The following GRIP1 variants were observed in gnomAD, a reference collection of about 807,000 sequenced individuals.
The protein encoded by GRIP1 is glutamate receptor interacting protein 1.
Under a neutral mutation model 129.9 loss-of-function variants are expected in GRIP1, and 45 were observed. That is an observed-to-expected ratio of 0.35 (90% CI 0.27 to 0.44). The LOEUF (loss-of-function observed/expected upper bound fraction) is 0.44, where lower values mean the gene tolerates loss of function less well. Ranked by LOEUF, GRIP1 falls within the 20% of genes least tolerant of loss-of-function variation. The pLI is 1.00. For missense variants in GRIP1, 1,196 were observed against 1,396.8 expected, an observed-to-expected ratio of 0.86 and a Z score of 2.29; for synonymous variants, 530 against 520.8, an observed-to-expected ratio of 1.02 and a Z score of -0.24.
chr12:66,853,344 G>A (rs1504309), intron 1 of GRIP1, among the ~76,000 whole-genome samples: 43,339 of 151,528 alleles, frequency 0.29, 7,070 homozygotes, highest in East Asian at 0.43. Flanking sequence ...TTAGATATAC[G>A]GCTTCATTTC....
intron 1 of GRIP1, among the ~76,000 whole-genome samples, chr12:66,862,288 G>A (rs2040126341): frequency 6.6e-6 from 1 of 151,966 alleles, no homozygotes; most frequent in African/African-American, 2.4e-5. Flanking sequence ...GTACTTTAGA[G>A]GAACATTAAG....
chr12:66,564,370 T>C (rs1044437437), intron 2 of GRIP1, among the ~76,000 whole-genome samples: 2 of 148,728 alleles, frequency 1.3e-5, no homozygotes, highest in African/African-American at 5.0e-5. Context: ...AGTGAGAAGA[T>C]GTAGTGTTTG....
chr12:66,979,242 A>AAAAC (rs1592421476), intron 1 of GRIP1, among the ~76,000 whole-genome samples: 2 of 148,280 alleles, frequency 1.3e-5, no homozygotes. Flanking sequence ...AAAAAAAAAA[A>AAAAC]AAAAAAAAAA....
At chr12:66,470,977 C>T (rs1018260910) in intron 7 of GRIP1, among the ~76,000 whole-genome samples, 10 of 152,160 alleles carry the variant, frequency 6.6e-5, no homozygotes, top group African/African-American at 1.7e-4. Flanking sequence ...CCCACAAGGA[C>T]GAAGTCGGGA....
At chr12:66,486,571 C>T (rs1360253125) in intron 7 of GRIP1, among the ~76,000 whole-genome samples, 1 of 152,114 alleles carries the variant, frequency 6.6e-6, no homozygotes, top group African/African-American at 2.4e-5. Flanking sequence ...GGGGTTTCCG[C>T]TTTTGTGTCT....
intron 1 of GRIP1, among the ~76,000 whole-genome samples, chr12:66,984,845 A>G (rs910145716): frequency 3.3e-5 from 5 of 152,190 alleles, no homozygotes; most frequent in African/African-American, 9.6e-5. Context: ...CTGGTTACCT[A>G]CTGCTGTGAA....
chr12:66,676,507 C>G (rs146409260), intron 1 of GRIP1, among the ~76,000 whole-genome samples: 3 of 152,280 alleles, frequency 2.0e-5, no homozygotes, highest in Non-Finnish European at 2.9e-5. Flanking sequence ...TTCCTAAGAG[C>G]TCACAGAAGA....
chr12:66,372,555 CTTTGTA>C (rs1011012430), intron 22 of GRIP1, among the ~76,000 whole-genome samples: 2 of 152,126 alleles, frequency 1.3e-5, no homozygotes, highest in Non-Finnish European at 2.9e-5. Flanking sequence ...TAGAAATACT[CTTTGTA>C]TAAGATCCTC....
intron 1 of GRIP1, among the ~76,000 whole-genome samples, chr12:66,921,492 A>G (rs190229136): frequency 4.6e-5 from 7 of 152,264 alleles, no homozygotes; most frequent in African/African-American, 1.7e-4. Flanking sequence ...AGGTGAATCC[A>G]CCTTCCCATT....
At chr12:66,668,432 T>C (rs976149503) in intron 1 of GRIP1, among the ~76,000 whole-genome samples, 1 of 152,224 alleles carries the variant, frequency 6.6e-6, no homozygotes, top group Non-Finnish European at 1.5e-5. Context: ...TTGGGAATTT[T>C]GTCATGCAGA....
chr12:66,890,147 T>C (rs1448495731), intron 1 of GRIP1, among the ~76,000 whole-genome samples: 2 of 152,116 alleles, frequency 1.3e-5, no homozygotes, highest in African/African-American at 4.8e-5. Flanking sequence ...CAGTCTGGTC[T>C]AGAACCCCTG....
intron 1 of GRIP1, among the ~76,000 whole-genome samples, chr12:66,952,469 G>A (rs543036509): frequency 1.3e-5 from 2 of 152,254 alleles, no homozygotes; most frequent in East Asian, 3.9e-4. Flanking sequence ...AAAATCACAT[G>A]CAGTATTGTT....
intron 15 of GRIP1, among the ~76,000 whole-genome samples, chr12:66,410,345 A>G (rs2057352285): frequency 6.8e-6 from 1 of 147,816 alleles, no homozygotes; most frequent in Non-Finnish European, 1.5e-5. Flanking sequence ...GAAAAAAAAA[A>G]GCTGGGCCAG....
chr12:66,621,957 G>A (rs770946626), intron 1 of GRIP1, among the ~76,000 whole-genome samples: 5 of 151,948 alleles, frequency 3.3e-5, no homozygotes, highest in Non-Finnish European at 7.4e-5. Flanking sequence ...TTTTGCTTTT[G>A]CTGTTGAGTT....
At chr12:66,919,477 C>T (rs1467590406) in intron 1 of GRIP1, among the ~76,000 whole-genome samples, 1 of 152,182 alleles carries the variant, frequency 6.6e-6, no homozygotes, top group African/African-American at 2.4e-5. Context: ...GGAAAAATTG[C>T]AAATTCTTTC....
chr12:66,696,841 G>C (rs1764533037), intron 1 of GRIP1, among the ~76,000 whole-genome samples: 1 of 145,620 alleles, frequency 6.9e-6, no homozygotes, highest in African/African-American at 2.6e-5. Context: ...AAGAATTACT[G>C]TTATAGATTT....
At chr12:66,472,592 G>T (rs2059469994) in intron 7 of GRIP1, among the ~76,000 whole-genome samples, 2 of 152,176 alleles carry the variant, frequency 1.3e-5, no homozygotes, top group South Asian at 2.1e-4. Context: ...AACACAGAAG[G>T]CGGGTGATTT....
chr12:66,596,109 C>T (rs779546405), intron 2 of GRIP1, among the ~76,000 whole-genome samples: 1 of 152,126 alleles, frequency 6.6e-6, no homozygotes, highest in Non-Finnish European at 1.5e-5. Context: ...TGCATTAATG[C>T]TTTTAACTCT....
At chr12:66,837,290 G>C (rs1268178817) in intron 1 of GRIP1, among the ~76,000 whole-genome samples, 1 of 152,194 alleles carries the variant, frequency 6.6e-6, no homozygotes, top group Non-Finnish European at 1.5e-5. Flanking sequence ...GAGAGATTTA[G>C]AGAAGAGTTG....
Sources: allele counts gnomAD v4.1 joint callset (sites outside exome capture counted in the v4.1 genomes callset), GRCh38; gene constraint gnomAD v4.1.1; transcripts MANE v1.5; gene names NCBI Gene and HGNC (gene_info 2026-07-23, HGNC 2026-07-21).